CTSK: variants seen among roughly 807,000 people sequenced by gnomAD.
CTSK encodes the protein cathepsin O.
Under a neutral mutation model 40.5 loss-of-function variants are expected in CTSK, and 26 were observed. The ratio of observed to expected loss-of-function variants is 0.64; its 90% CI spans 0.47 to 0.89. CTSK has a LOEUF of 0.89. Among genes scored for constraint, CTSK ranks in the 40% least tolerant of loss-of-function variants. The pLI, the probability that CTSK is intolerant of heterozygous loss-of-function variation, is 0.00. For synonymous variants in CTSK, 132 were observed against 143.2 expected, an observed-to-expected ratio of 0.92 and a Z score of 0.56; for missense variants, 292 against 400.1, an observed-to-expected ratio of 0.73 and a Z score of 2.30.
chr1:150,796,851 T>C lies in CTSK; in HGVS notation c.938A>G (p.Asn313Ser), dbSNP rs199882930. 2.5e-6 allele frequency: 4 copies of C among 1,614,076 alleles called. No homozygotes were observed. The highest frequency in any genetic ancestry group is 3.4e-6 in the Non-Finnish European group (4 of 1,180,032). The change falls in exon 8 of 8, where the codon AAT becomes AGT. Residue 313 changes from asparagine (N) to serine (S), a missense_variant. Asn to Ser is a conservative substitution (Grantham distance 46). Coordinates refer to ENST00000271651, the MANE Select transcript of CTSK (RefSeq NM_000396.4). ...GNKGYILMARNKNNACGIANL... is the reference protein window; with the variant it reads ...GNKGYILMARSKNNACGIANL... ...GGCAATGCCACAGGCGTTGTTCTTATTTCGAGCCATGAGGATATATCCTTT... is the reference window on the plus strand; with the variant it reads ...GGCAATGCCACAGGCGTTGTTCTTACTTCGAGCCATGAGGATATATCCTTT...
At chr1:150,799,511 A>C (rs1484682795) in intron 6 of CTSK, 33 bp downstream of exon 6, 1 of 1,613,092 alleles carries the variant, frequency 6.2e-7, no homozygotes, top group Admixed American at 1.7e-5. Context: ...GTATCATAAA[A>C]GACAGTGCTG....
chr1:150,797,867 G>A (rs1653905942), intron 7 of CTSK, among the ~76,000 whole-genome samples: 1 of 152,124 alleles, frequency 6.6e-6, no homozygotes, highest in African/African-American at 2.4e-5. Context: ...CAAGAGAAGG[G>A]ACAACACAGG....
Position 150,796,558 on chromosome 1 carries a change from G to GC in CTSK, c.*240dup. On this transcript the variant is annotated 3_prime_UTR_variant, in exon 8 of 8. Coordinates refer to ENST00000271651, the MANE Select transcript of CTSK (RefSeq NM_000396.4). ...GGGCAGGCTGTAGTCACATCTCTTAGCCTAAGAGTACACAGCTGTCAGGGA... is the reference window on the plus strand; with the variant it reads ...GGGCAGGCTGTAGTCACATCTCTTAGCCCTAAGAGTACACAGCTGTCAGGGA... 1.6e-6 allele frequency: 1 copy of GC among 607,400 alleles called. No homozygotes were observed. The highest frequency in any genetic ancestry group is 2.6e-5 in the Admixed American group (1 of 38,538). The allele number at this position is 607,400 out of a possible 1,614,324, so 37.6% of individuals were successfully genotyped here. A position where few individuals can be genotyped will look rare whatever the true frequency, so the allele number is the denominator to read the frequency against.
In CTSK at chr1:150,799,227, T is replaced by C. The variant is rs10788796; in HGVS notation, c.831A>G (p.Ala277=). 0.99 allele frequency: 1,602,872 copies of C among 1,613,360 alleles called. 796,480 individuals carry two copies. Among genetic ancestry groups the C allele is most frequent in the Non-Finnish European group, 1 (1,178,301 of 1,179,320 alleles). The part of the protein sequence containing the change: ...ESCNSDNLNH[A]VLAVGYGIQK... The stretch of plus-strand genomic sequence containing the variant: ...GGATTCCATATCCCACTGCCAAAAC[T>C]GCATGGTTCAGATTATCGCTATTGC... Residue 277 remains alanine (A), a synonymous_variant, in exon 7 of 8, where the codon GCA becomes GCG. Transcript: ENST00000271651.
At chr1:150,806,252 T>C (rs966197225) in intron 2 of CTSK, 28 bp from the exon 3 acceptor site, 3 of 1,610,204 alleles carry the variant, frequency 1.9e-6, no homozygotes, top group Non-Finnish European at 2.5e-6. Context: ...AGTACTTGTA[T>C]AGACTGTCTA....
At position 150,806,675 on chromosome 1, in the gene CTSK, A is replaced by C; in HGVS notation, c.120+11T>G. ...GCCTTCCTGCCATGCCCCCTCCAGGACCCCAGGCACCTTGTTGTTATATTG... is the reference window on the plus strand; with the variant it reads ...GCCTTCCTGCCATGCCCCCTCCAGGCCCCCAGGCACCTTGTTGTTATATTG... On this transcript the variant is annotated intron_variant, in intron 2 of 7. Transcript: ENST00000271651. The C allele has an allele frequency of 1.2e-6, 2 of 1,613,708 alleles. No individual in the cohort carries two copies. The highest frequency in any genetic ancestry group is 1.7e-6 in the Non-Finnish European group (2 of 1,180,002).
intron 4 of CTSK, among the ~76,000 whole-genome samples, 163 bp downstream of exon 4, chr1:150,805,698 T>C (rs892698996): frequency 8.3e-6 from 1 of 120,972 alleles, no homozygotes; most frequent in African/African-American, 3.2e-5. Context: ...ACAACCCAAA[T>C]GTACAGAAAC....
rs200853493 is a variant in CTSK, at chr1:150,799,290, C to T, written c.785-17G>A. 6.4e-6 allele frequency: 10 copies of T among 1,556,710 alleles called. No homozygotes were observed. Among genetic ancestry groups the T allele is most frequent in the Non-Finnish European group, 8.9e-6 (10 of 1,127,562 alleles). On this transcript the variant is annotated splice_polypyrimidine_tract_variant and intron_variant, in intron 6 of 7. Coordinates refer to ENST00000271651, the MANE Select transcript of CTSK (RefSeq NM_000396.4). ...AATACACACCTAGAATACAAACTAC[C>T]AGCGTGAGGCTCTATGCAATCCAAG...
chr1:150,797,271 G>C (rs1653892268), intron 7 of CTSK, among the ~76,000 whole-genome samples: 1 of 152,188 alleles, frequency 6.6e-6, no homozygotes, highest in Non-Finnish European at 1.5e-5. Context: ...GTGCCTAACA[G>C]GGTGTAGTGG....
At chr1:150,797,623 G>A (rs1653901470) in intron 7 of CTSK, among the ~76,000 whole-genome samples, 2 of 152,062 alleles carry the variant, frequency 1.3e-5, no homozygotes, top group African/African-American at 2.4e-5. Flanking sequence ...GAGATTGTCT[G>A]TTTATCTTCC....
rs145128083 is a variant in CTSK, at chr1:150,806,742, G to A, written c.64C>T (p.Leu22=). The A allele has an allele frequency of 1.2e-6, 2 of 1,614,102 alleles. No individual in the cohort carries two copies. The highest frequency in any genetic ancestry group is 1.7e-6 in the Non-Finnish European group (2 of 1,180,022). ...VSFALYPEEI[L]DTHWELWKKT... ...TTCCATAGCTCCCAGTGGGTGTCCA[G>A]TATCTCCTCAGGGTACAGAGCAAAG... Residue 22 remains leucine (L), a synonymous_variant, in exon 2 of 8, where the codon CTG becomes TTG. Transcript: ENST00000271651.
rs1654082906 is a variant in CTSK, at chr1:150,805,969, CA to C, written c.290del (p.Leu97ArgfsTer64). 4 of 1,614,144 alleles carry C rather than the reference CA, an allele frequency of 2.5e-6. No individual in the cohort carries two copies. Among genetic ancestry groups the C allele is most frequent in the Non-Finnish European group, 3.4e-6 (4 of 1,180,028 alleles). On this transcript the variant is annotated frameshift_variant, in exon 4 of 8. Coordinates refer to ENST00000271651, the MANE Select transcript of CTSK (RefSeq NM_000396.4). LOFTEE classifies it high-confidence loss of function. ...GGGTGTCATTACTGCGGGAATGAGA[CA>C]GGGGTACTTTGAGTCCAGTCATCTT... ...VQKMTGLKVP[L>X]SHSRSNDTLY...
chr1:150,803,106 C>T (rs1261592929), intron 5 of CTSK, among the ~76,000 whole-genome samples: 1 of 152,170 alleles, frequency 6.6e-6, no homozygotes, highest in Non-Finnish European at 1.5e-5. Context: ...AAGACCCAGA[C>T]AATTCAGTTC....
rs1653881297 is a variant in CTSK at position 150,796,652 on chromosome 1, C to T, written c.*147G>A. 3 of 771,522 alleles carry T rather than the reference C, an allele frequency of 3.9e-6. No homozygotes were observed. In the Admixed American group the frequency reaches 5.2e-5, roughly 13 times the overall value. The allele number at this position is 771,522 out of a possible 1,614,324, so 47.8% of individuals were successfully genotyped here. ...GCAAAGTAGGAAGGATCATTTGAAGCACAAACAAATGGGGAAACTGAACAG... is the reference window on the plus strand; with the variant it reads ...GCAAAGTAGGAAGGATCATTTGAAGTACAAACAAATGGGGAAACTGAACAG... On this transcript the variant is annotated 3_prime_UTR_variant, in exon 8 of 8. Coordinates refer to ENST00000271651, the MANE Select transcript of CTSK (RefSeq NM_000396.4).
chr1:150,797,117 T>TGTAA (rs772748248), intron 7 of CTSK, among the ~76,000 whole-genome samples: 16 of 152,136 alleles, frequency 1.1e-4, no homozygotes, highest in Non-Finnish European at 2.1e-4. Context: ...AGAGGCTTGA[T>TGTAA]GTAAGAGGTG....
In CTSK at chr1:150,799,610, C is replaced by T. The variant is rs769009784; in HGVS notation, c.718G>A (p.Ala240Thr). 6.2e-7 allele frequency: 1 copy of T among 1,614,182 alleles called. No individual in the cohort carries two copies. The highest frequency in any genetic ancestry group is 1.3e-5 in the African/African-American group (1 of 75,056). ...GNEKALKRAV[A>T]RVGPVSVAID... The stretch of plus-strand genomic sequence containing the variant: ...GCCACAGAGACAGGTCCCACTCGGG[C>T]CACTGCCCTCTTCAGGGCTTTCTCA... Residue 240 changes from alanine (A) to threonine (T), a missense_variant, in exon 6 of 8, where the codon GCC (alanine) becomes ACC (threonine). By Grantham distance (58) the Ala-to-Thr change is moderately conservative. Coordinates refer to ENST00000271651, the MANE Select transcript of CTSK (RefSeq NM_000396.4).
chr1:150,805,638 C>CAAA (rs79027279), intron 4 of CTSK, among the ~76,000 whole-genome samples: 7 of 54,972 alleles, frequency 1.3e-4, no homozygotes, highest in African/African-American at 4.0e-4. Context: ...GACTCTATCT[C>CAAA]AAAAAAAAAA....
chr1:150,796,946 T>C (rs1653887095), intron 7 of CTSK, 48 bp from the exon 8 acceptor site: 2 of 1,249,778 alleles, frequency 1.6e-6, no homozygotes, highest in East Asian at 4.6e-5. Context: ...GTTTATTTAT[T>C]CATTAAAATA....
In CTSK at chr1:150,806,005, C is replaced by T. The variant is rs770769840; in HGVS notation, c.255G>A (p.Glu85=). 6 of 1,614,166 alleles carry T rather than the reference C, an allele frequency of 3.7e-6. No homozygotes were observed. The highest frequency in any genetic ancestry group is 5.1e-6 in the Non-Finnish European group (6 of 1,180,040). ...TGAGTCCAGTCATCTTCTGAACCAC[C>T]TCTTCACTGGTCTAAGACAAAGAAG... The part of the protein sequence containing the change: ...MNHLGDMTSE[E]VVQKMTGLKV... The change falls in exon 4 of 8, where the codon GAG becomes GAA. Residue 85 remains glutamate (E), a synonymous_variant. Coordinates refer to ENST00000271651, the MANE Select transcript of CTSK (RefSeq NM_000396.4).
Sources: allele counts gnomAD v4.1 joint callset (sites outside exome capture counted in the v4.1 genomes callset), GRCh38; gene constraint gnomAD v4.1.1; transcripts MANE v1.5; gene names NCBI Gene and HGNC (gene_info 2026-07-23, HGNC 2026-07-21).